SPMIP2: variants seen among roughly 807,000 people sequenced by gnomAD.
The protein encoded by SPMIP2 is protein SPMIP2.
At chr4:158,951,625 C>G in the SPMIP2 span, among the ~76,000 whole-genome samples, 1 of 152,052 alleles carries the variant, frequency 6.6e-6, no homozygotes, top group African/African-American at 2.4e-5. Context: ...TAAGTTATCC[C>G]AAGTAGAACA....
the SPMIP2 span, among the ~76,000 whole-genome samples, chr4:159,031,392 G>A: frequency 1.3e-5 from 2 of 152,138 alleles, no homozygotes; most frequent in East Asian, 1.9e-4. Flanking sequence ...TGACAAATTC[G>A]GAACGTTGGA....
At chr4:158,996,007 C>T in the SPMIP2 span, among the ~76,000 whole-genome samples, 2 of 152,012 alleles carry the variant, frequency 1.3e-5, no homozygotes, top group Non-Finnish European at 2.9e-5. Context: ...TGTCTCTTTG[C>T]TTGACAGTTA....
chr4:159,040,523 T>G, the SPMIP2 span, among the ~76,000 whole-genome samples: 1 of 151,984 alleles, frequency 6.6e-6, no homozygotes, highest in Non-Finnish European at 1.5e-5. Context: ...TGGAGTGCAG[T>G]GGTGGGACCA....
the SPMIP2 span, among the ~76,000 whole-genome samples, chr4:159,067,695 A>T: frequency 1.3e-5 from 2 of 152,250 alleles, 1 homozygote; most frequent in African/African-American, 4.8e-5. Flanking sequence ...TGCACAGCAA[A>T]AGAAAATACC....
the SPMIP2 span, among the ~76,000 whole-genome samples, chr4:159,000,203 T>G: frequency 6.6e-6 from 1 of 152,196 alleles, no homozygotes; most frequent in East Asian, 1.9e-4. Flanking sequence ...ACATTTTTAG[T>G]ATAAGTATGT....
chr4:159,070,885 C>T, the SPMIP2 span, among the ~76,000 whole-genome samples: 9 of 152,134 alleles, frequency 5.9e-5, no homozygotes, highest in Admixed American at 4.6e-4. Flanking sequence ...AGTTGCCAGG[C>T]GAGAACTCAT....
the SPMIP2 span, among the ~76,000 whole-genome samples, chr4:159,033,329 A>G: frequency 1.3e-5 from 2 of 152,200 alleles, no homozygotes; most frequent in Non-Finnish European, 2.9e-5. Flanking sequence ...GGTGAAGCAC[A>G]AGAGATTTTT....
At chr4:158,939,787 C>G in the SPMIP2 span, among the ~76,000 whole-genome samples, 1 of 152,028 alleles carries the variant, frequency 6.6e-6, no homozygotes, top group Admixed American at 6.6e-5. Flanking sequence ...AGACGTGAGC[C>G]AAGATTGTGC....
the SPMIP2 span, among the ~76,000 whole-genome samples, chr4:158,995,360 C>G: frequency 6.6e-6 from 1 of 152,106 alleles, no homozygotes; most frequent in Non-Finnish European, 1.5e-5. Flanking sequence ...ATAATTATGC[C>G]TCAAATTATA....
the SPMIP2 span, among the ~76,000 whole-genome samples, chr4:158,935,627 T>C: frequency 6.6e-6 from 1 of 152,118 alleles, no homozygotes; most frequent in African/African-American, 2.4e-5. Flanking sequence ...GGGTTTGGAG[T>C]GTGGTAGAAC....
the SPMIP2 span, among the ~76,000 whole-genome samples, chr4:158,929,025 C>A: frequency 8.5e-5 from 13 of 152,190 alleles, no homozygotes; most frequent in Admixed American, 8.5e-4. Flanking sequence ...GCGTCCGTGG[C>A]TTCATTCTTG....
At chr4:159,074,491 C>G in the SPMIP2 span, among the ~76,000 whole-genome samples, 6 of 152,104 alleles carry the variant, frequency 3.9e-5, no homozygotes, top group East Asian at 1.2e-3. Context: ...ATCAGTTATT[C>G]ATTCAAGAAG....
the SPMIP2 span, among the ~76,000 whole-genome samples, chr4:158,971,318 A>C: frequency 6.6e-6 from 1 of 152,154 alleles, no homozygotes; most frequent in Admixed American, 6.5e-5. Flanking sequence ...GCTGGTGGTT[A>C]GTTTGATATT....
At chr4:158,899,055 G>C in the SPMIP2 span, among the ~76,000 whole-genome samples, 1 of 152,118 alleles carries the variant, frequency 6.6e-6, no homozygotes. Flanking sequence ...AGCTTGAAGT[G>C]GTGTTGAGTT....
the SPMIP2 span, among the ~76,000 whole-genome samples, chr4:158,926,161 T>A: frequency 6.6e-6 from 1 of 152,232 alleles, no homozygotes; most frequent in African/African-American, 2.4e-5. Flanking sequence ...TTTAAAAAAA[T>A]TTTCCTGATT....
At chr4:159,052,053 C>T in the SPMIP2 span, among the ~76,000 whole-genome samples, 1 of 152,030 alleles carries the variant, frequency 6.6e-6, no homozygotes, top group Non-Finnish European at 1.5e-5. Context: ...TTTCCCTTGC[C>T]ATCTTTCATT....
chr4:158,909,402 C>T, the SPMIP2 span: 1 of 151,748 alleles, frequency 6.6e-6, no homozygotes, highest in Non-Finnish European at 1.5e-5. Flanking sequence ...GGATGGCTTC[C>T]CTGCTGTGTA....
the SPMIP2 span, among the ~76,000 whole-genome samples, chr4:158,975,268 GTT>G: frequency 1.3e-5 from 2 of 151,864 alleles, no homozygotes; most frequent in African/African-American, 2.4e-5. Flanking sequence ...TCTGATGATA[GTT>G]TTTTTTTGCT....
the SPMIP2 span, among the ~76,000 whole-genome samples, chr4:159,062,697 G>GTCTCTCTCTCTCTCTCTCTCTCTCTC: frequency 0.051 from 4,854 of 94,766 alleles, 938 homozygotes; most frequent in Admixed American, 0.093. Context: ...TTGAAACAGG[G>GTCTCTCTCTCTCTCTCTCTCTCTCTC]TCTCTCTCTC....
Sources: gnomAD v4.1 joint callset for allele counts (sites outside exome capture counted in the v4.1 genomes callset) on GRCh38, gnomAD v4.1.1 for gene constraint, MANE v1.5 for transcripts, NCBI Gene and HGNC (gene_info 2026-07-23, HGNC 2026-07-21) for gene names.